CCR6: variants seen among roughly 807,000 people sequenced by gnomAD.
CCR6 encodes the protein C-C motif chemokine receptor 6.
Under a neutral mutation model 3.0 loss-of-function variants are expected in CCR6, and 2 were observed. The ratio of observed to expected loss-of-function variants is 0.66; its 90% confidence interval spans 0.27 to 2.07. CCR6 has a LOEUF of 2.07. Ranked by LOEUF, CCR6 falls within the 30% of genes most tolerant of loss-of-function variation. CCR6 has a pLI of 0.14. For synonymous variants in CCR6, 193 were observed against 184.3 expected (o/e 1.05, Z -0.38); for missense variants, 322 against 462.8 (o/e 0.70, Z 2.79).
At chr6:167,133,932 G>A (rs9459885) in intron 1 of CCR6, among the ~76,000 whole-genome samples, 1,960 of 110,246 alleles carry the variant, frequency 0.018, 73 homozygotes, top group East Asian at 0.07. Context: ...ATATATGTGT[G>A]TATATATATA....
chr6:167,133,932 G>GTGTGTGTA (rs1183741225), intron 1 of CCR6, among the ~76,000 whole-genome samples: 20 of 110,396 alleles, frequency 1.8e-4, no homozygotes, highest in South Asian at 5.8e-4. Flanking sequence ...ATATATGTGT[G>GTGTGTGTA]TATATATATA....
At chr6:167,123,856 A>G (rs1226773122) in intron 1 of CCR6, among the ~76,000 whole-genome samples, 1 of 152,232 alleles carries the variant, frequency 6.6e-6, no homozygotes, top group Non-Finnish European at 1.5e-5. Flanking sequence ...TCATACCTGT[A>G]ATCTCAGCAC....
chr6:167,129,618 G>A (rs1412921384), intron 1 of CCR6: 2 of 151,678 alleles, frequency 1.3e-5, no homozygotes, highest in African/African-American at 4.9e-5. Context: ...TTAAAAAAGA[G>A]TAGAGAGGTG....
chr6:167,128,461 G>C (rs1282316636), intron 1 of CCR6, among the ~76,000 whole-genome samples: 2 of 152,262 alleles, frequency 1.3e-5, no homozygotes, highest in Non-Finnish European at 2.9e-5. Flanking sequence ...CGCCCACATA[G>C]TACTGATTAA....
In CCR6 at chr6:167,137,331, C is replaced by A; in HGVS notation, c.1101C>A (p.Asp367Glu). The change falls in exon 3 of 3, where the codon GAC (aspartate) becomes GAA (glutamate). Residue 367 changes from aspartate (D) to glutamate (E), a missense_variant. Asp to Glu is a conservative substitution (Grantham distance 45). Coordinates refer to ENST00000341935, the MANE Select transcript of CCR6 (RefSeq NM_031409.4). The surrounding 1 kb of genome is among the most constrained non-coding windows in gnomAD (Gnocchi z 4.6). ...SRQTSETADN[D>E]NASSFTM Reference sequence around the variant, plus strand: ...AGACCAGTGAGACCGCAGATAACGACAATGCGTCGTCCTTCACTATGTGAT... The same window carrying A: ...AGACCAGTGAGACCGCAGATAACGAAAATGCGTCGTCCTTCACTATGTGAT... The A allele has an allele frequency of 6.2e-7, 1 of 1,613,080 alleles. No individual in the cohort carries two copies. Among genetic ancestry groups the A allele is most frequent in the Non-Finnish European group, 8.5e-7 (1 of 1,179,804 alleles).
In CCR6 at chr6:167,136,311, C is replaced by T; in HGVS notation, c.81C>T (p.Tyr27=). ...TTGTGTCAGTCAATACTTCATATTA[C>T]TCAGTTGATTCTGAGATGTTACTGT... The part of the protein sequence containing the change: ...DYFVSVNTSY[Y]SVDSEMLLCS... The change falls in exon 3 of 3, where the codon TAC becomes TAT. Residue 27 remains tyrosine, a synonymous_variant. Coordinates refer to ENST00000341935, the MANE Select transcript of CCR6 (RefSeq NM_031409.4). This position sits in a 1 kb window ranked among gnomAD's most constrained non-coding sequence, Gnocchi z 4.6. 1 of 1,613,550 alleles carries T rather than the reference C, an allele frequency of 6.2e-7. No homozygotes were observed. The highest frequency in any genetic ancestry group is 8.5e-7 in the Non-Finnish European group (1 of 1,179,814).
chr6:167,130,406 T>C (rs1300342634), intron 1 of CCR6, among the ~76,000 whole-genome samples: 2 of 151,882 alleles, frequency 1.3e-5, no homozygotes, highest in Admixed American at 6.5e-5. Flanking sequence ...ATTTTCTTAA[T>C]AGAAAATCTG....
Position 167,116,792 on chromosome 6 carries a change from T to A in CCR6, c.-98+4778T>A, listed in dbSNP as rs974725820. 2 of 152,312 alleles carry A rather than the reference T, an allele frequency of 1.3e-5. 1 individual carries two copies. Among genetic ancestry groups the A allele is most frequent in the South Asian group, 4.1e-4 (2 of 4,830 alleles). 9.4% of individuals were successfully genotyped at this position (152,312 alleles called of 1,614,324 possible). A position where few individuals can be genotyped will look rare whatever the true frequency, so the allele number is the denominator to read the frequency against. On this transcript the variant is annotated intron_variant, in intron 1 of 2. Transcript: ENST00000400926. ...CCTCCCAGTCCCGGACGCCTGCACA[T>A]CCGTTAGGCCCAGAGTGGCTGCTCT...
upstream of CCR6, chr6:167,119,437 T>A (rs1781553202): frequency 6.6e-6 from 1 of 152,280 alleles, no homozygotes; most frequent in South Asian, 2.1e-4. Context: ...TGGCATACTT[T>A]TAACTATTTC....
At chr6:167,114,046 G>A (rs1303077438) in intron 1 of CCR6, among the ~76,000 whole-genome samples, 5 of 152,256 alleles carry the variant, frequency 3.3e-5, no homozygotes, top group South Asian at 4.1e-4. Flanking sequence ...TCACACAACC[G>A]TGACAGACAC....
At chr6:167,134,208 CT>C (rs1562560759) in intron 1 of CCR6, among the ~76,000 whole-genome samples, 1 of 151,974 alleles carries the variant, frequency 6.6e-6, no homozygotes, top group African/African-American at 2.4e-5. Context: ...AGCAGGGTGC[CT>C]TTGGTCTCTG....
chr6:167,133,159 A>C (rs1054034135), intron 1 of CCR6, among the ~76,000 whole-genome samples: 1 of 152,132 alleles, frequency 6.6e-6, no homozygotes, highest in Admixed American at 6.5e-5. Flanking sequence ...TTTACAGTTC[A>C]TTCTTTTTGC....
At chr6:167,124,374 C>G (rs1307329847) in intron 1 of CCR6, among the ~76,000 whole-genome samples, 6 of 151,460 alleles carry the variant, frequency 4.0e-5, no homozygotes, top group Non-Finnish European at 1.5e-5. Flanking sequence ...CATTCAAAAG[C>G]AGAAGGAAGC....
chr6:167,122,064 G>A (rs36226076), upstream of CCR6, among the ~76,000 whole-genome samples: 300 of 152,238 alleles, frequency 2.0e-3, 1 homozygote, highest in African/African-American at 6.8e-3. The surrounding 1 kb of genome is among the most constrained non-coding windows in gnomAD (Gnocchi z 4.2). Flanking sequence ...CAGGCGTGAG[G>A]ACGTGGAGCT....
intron 1 of CCR6, among the ~76,000 whole-genome samples, chr6:167,133,175 A>G (rs1468015833): frequency 6.6e-6 from 1 of 152,156 alleles, no homozygotes; most frequent in Non-Finnish European, 1.5e-5. Context: ...TTTGCAATTT[A>G]TATAAGAAGC....
At chr6:167,113,620 C>T (rs1296006605) in intron 1 of CCR6, among the ~76,000 whole-genome samples, 1 of 152,206 alleles carries the variant, frequency 6.6e-6, no homozygotes, top group African/African-American at 2.4e-5. Flanking sequence ...GCCCAGCTCC[C>T]CTGGAGACAG....
intron 1 of CCR6, among the ~76,000 whole-genome samples, chr6:167,133,459 T>C (rs1781799952): frequency 1.3e-5 from 2 of 152,346 alleles, no homozygotes; most frequent in South Asian, 4.1e-4. Flanking sequence ...CAGTGATTTA[T>C]GTAACTGTCC....
upstream of CCR6, among the ~76,000 whole-genome samples, chr6:167,122,153 C>T (rs988701009): frequency 3.9e-5 from 6 of 152,178 alleles, no homozygotes; most frequent in Middle Eastern, 6.8e-3. The surrounding 1 kb of genome is among the most constrained non-coding windows in gnomAD (Gnocchi z 4.2). Flanking sequence ...AGTGGAGCCT[C>T]GTGGGCAGCC....
upstream of CCR6, chr6:167,121,674 G>A (rs1382520751): frequency 1.3e-5 from 2 of 152,660 alleles, no homozygotes; most frequent in Non-Finnish European, 2.9e-5. Flanking sequence ...GTGAACTACT[G>A]GGGAGGAGCG....
Sources: gnomAD v4.1 joint callset for allele counts (sites outside exome capture counted in the v4.1 genomes callset) on GRCh38, gnomAD v4.1.1 for gene constraint, Gnocchi (gnomAD v3.1) non-coding constraint, MANE v1.5 for transcripts, NCBI Gene and HGNC (gene_info 2026-07-23, HGNC 2026-07-21) for gene names.